Variants in CRYBG2 observed in about 807,000 individuals in gnomAD.
CRYBG2 encodes crystallin beta-gamma domain containing 2.
In CRYBG2, 106 loss-of-function variants were observed where a neutral mutation model predicts 153.4. The ratio of observed to expected loss-of-function variants is 0.69; its 90% CI spans 0.59 to 0.81. The LOEUF (loss-of-function observed/expected upper bound fraction) is 0.81, where lower values mean the gene tolerates loss of function less well. CRYBG2 is among the 30% of genes least tolerant of loss of function. The probability of loss-of-function intolerance (pLI) is 0.00; values close to 1 mark genes in which losing one functional copy is unlikely to be tolerated. For missense variants in CRYBG2, 1,996 were observed against 2,112.0 expected (o/e 0.95, Z 1.08); for synonymous variants, 851 against 877.8 (o/e 0.97, Z 0.54).
At chr1:26,337,953 C>T in intron 8 of CRYBG2, 59 bp downstream of exon 8, 2 of 1,589,352 alleles carry the variant, frequency 1.3e-6, no homozygotes, top group Non-Finnish European at 1.7e-6. Flanking sequence ...ACCACGATAA[C>T]CAAACACCTG....
chr1:26,322,177 G>T lies in CRYBG2; in HGVS notation c.4884C>A (p.Ile1628=), dbSNP rs764882593. ...HICSQMFEGQ[I]LDVKGGRGYD... The stretch of plus-strand genomic sequence containing the variant: ...ATCCCACCTTACCCTTCACGTCCAG[G>T]ATCTGGCCTTCGAACATCTGGCTGC... The change falls in exon 19 of 20, where the codon ATC becomes ATA. Residue 1628 remains isoleucine (I), a synonymous_variant. Transcript: ENST00000308182. 1 of 1,613,970 alleles carries T rather than the reference G, an allele frequency of 6.2e-7. No homozygotes were observed. Among genetic ancestry groups the T allele is most frequent in the Admixed American group, 1.7e-5 (1 of 60,014 alleles).
At position 26,348,870 on chromosome 1, in the gene CRYBG2, A is replaced by C. The variant is rs1001662902; in HGVS notation, c.-55-2158T>G. Among the ~76,000 whole-genome samples, 3 of 150,990 alleles carry C rather than the reference A, an allele frequency of 2.0e-5. No homozygotes were observed. The South Asian group carries it at 6.4e-4, about 32-fold the overall frequency. The stretch of plus-strand genomic sequence containing the variant: ...TGCGCCCGGCCTAAAAAAAGTTTTT[A>C]ATAAAAACAAAAATAAGGCTGGGTG... On this transcript the variant is annotated intron_variant, in intron 1 of 19. Transcript: ENST00000308182.
At position 26,344,001 on chromosome 1, in the gene CRYBG2, G is replaced by C. The variant is rs1391790306; in HGVS notation, c.2657C>G (p.Pro886Arg). ...CAGTTCCAATCCCAGCTCTGAGTGGGGGCCCTTGGTTCCTGCTACATGCTT... is the reference window on the plus strand; with the variant it reads ...CAGTTCCAATCCCAGCTCTGAGTGGCGGCCCTTGGTTCCTGCTACATGCTT... ...MKKHVAGTKG[P>R]HSELGLELQG... Residue 886 changes from proline to arginine, a missense_variant, in exon 2 of 20, where the codon CCC (proline) becomes CGC (arginine). Coordinates refer to ENST00000308182, the MANE Select transcript of CRYBG2 (RefSeq NM_001039775.4). 6.5e-6 allele frequency: 10 copies of C among 1,536,252 alleles called. No individual in the cohort carries two copies. The East Asian group carries it at 2.2e-4, about 34-fold the overall frequency.
Position 26,337,656 on chromosome 1 carries a change from G to A in CRYBG2, c.3526C>T (p.Pro1176Ser), listed in dbSNP as rs1356324262. Residue 1176 changes from proline (P) to serine (S), a missense_variant, in exon 9 of 20, where the codon CCA becomes TCA. Coordinates refer to ENST00000308182, the MANE Select transcript of CRYBG2 (RefSeq NM_001039775.4). The part of the protein sequence containing the change: ...GEPRAVVYEA[P>S]GFQGRSWEVS... The stretch of plus-strand genomic sequence containing the variant: ...TCCCAGCTGCGGCCCTGAAAGCCTG[G>A]GGCCTCATACACCACAGCCTGGGGG... 2.5e-6 allele frequency: 4 copies of A among 1,612,058 alleles called. No homozygotes were observed. The African/African-American group carries it at 5.3e-5, about 22-fold the overall frequency.
intron 1 of CRYBG2, among the ~76,000 whole-genome samples, chr1:26,348,851 C>A (rs1043244559): frequency 6.6e-6 from 1 of 151,008 alleles, no homozygotes; most frequent in African/African-American, 2.4e-5. Flanking sequence ...CCACTGCGCC[C>A]GGCCTAAAAA....
Position 26,337,279 on chromosome 1 carries a change from G to A in CRYBG2, c.3745C>T (p.Leu1249=). ...GTCCGGATGACCCGGAGGGAGGTCA[G>A]CAACTCGTCATAGCCTCCCCAGTGT... ...WSHWGGYDEL[L]TSLRVIRTDF... The change falls in exon 10 of 20, where the codon CTG becomes TTG. Residue 1249 remains leucine (L), a synonymous_variant. Coordinates refer to ENST00000308182, the MANE Select transcript of CRYBG2 (RefSeq NM_001039775.4). 6.2e-7 allele frequency: 1 copy of A among 1,614,104 alleles called. No homozygotes were observed. The highest frequency in any genetic ancestry group is 8.5e-7 in the Non-Finnish European group (1 of 1,179,998).
chr1:26,337,481 C>T, intron 9 of CRYBG2, 57 bp downstream of exon 9: 1 of 1,604,282 alleles, frequency 6.2e-7, no homozygotes, highest in Non-Finnish European at 8.5e-7. Flanking sequence ...TCACTCCCCA[C>T]TCCCAAGGGT....
chr1:26,343,246 C>G lies in CRYBG2; in HGVS notation c.2961G>C (p.Lys987Asn). The G allele has an allele frequency of 6.4e-7, 1 of 1,550,494 alleles. No homozygotes were observed. Among genetic ancestry groups the G allele is most frequent in the Non-Finnish European group, 8.7e-7 (1 of 1,146,960 alleles). ...TQGKLNTRPG[K>N]VIFFSESGCQ... ...CACCCACTTGCCCCCACAACCCTAC[C>G]TTTCCAGGCCTGGTGTTCAGCTTGC... Residue 987 changes from lysine to asparagine, a missense_variant and splice_region_variant, in exon 3 of 20, where the codon AAG (lysine) becomes AAC (asparagine). Physicochemically the swap from Lys to Asn is moderately conservative, Grantham distance 94. Transcript: ENST00000308182. This position sits in a 1 kb window ranked among gnomAD's most constrained non-coding sequence, Gnocchi z 4.1.
rs1323530543 is a variant in CRYBG2 at position 26,344,838 on chromosome 1, G to A, written c.1820C>T (p.Ala607Val). 2.0e-6 allele frequency: 3 copies of A among 1,534,702 alleles called. No homozygotes were observed. The highest frequency in any genetic ancestry group is 2.6e-6 in the Non-Finnish European group (3 of 1,146,058). Residue 607 changes from alanine to valine, a missense_variant, in exon 2 of 20, where the codon GCT becomes GTT. Ala to Val is a moderately conservative substitution (Grantham distance 64). Coordinates refer to ENST00000308182, the MANE Select transcript of CRYBG2 (RefSeq NM_001039775.4). ...KEVVKGPCAP[A>V]ASSPTQKEVV... ...CTCCTTCTGGGTGGGAGATGAGGCA[G>A]CAGGAGCACAGGGGCCCTTCACAAC...
At chr1:26,330,000 G>A (rs922190882) in intron 15 of CRYBG2, among the ~76,000 whole-genome samples, 2 of 152,196 alleles carry the variant, frequency 1.3e-5, no homozygotes, top group Non-Finnish European at 1.5e-5. Flanking sequence ...TTCCCAAAGT[G>A]CTGGAACTAC....
rs1224698412 is a variant in CRYBG2 at position 26,339,367 on chromosome 1, C to A, written c.3267G>T (p.Lys1089Asn). The change falls in exon 6 of 20, where the codon AAG (lysine) becomes AAT (asparagine). Residue 1089 changes from lysine to asparagine, a missense_variant. Physicochemically the swap from Lys to Asn is moderately conservative, Grantham distance 94 (BLOSUM62 0). Coordinates refer to ENST00000308182, the MANE Select transcript of CRYBG2 (RefSeq NM_001039775.4). ...SEEGLKGEQV[K>N]LTEALKNSQG... ...GGGAATTCTTCAAGGCCTCTGTTAG[C>A]TTCACTTGCTCCCCCTTGAGGCCCT... 1 of 1,614,128 alleles carries A rather than the reference C, an allele frequency of 6.2e-7. No homozygotes were observed. The highest frequency in any genetic ancestry group is 8.5e-7 in the Non-Finnish European group (1 of 1,180,050).
At chr1:26,324,012 A>T in intron 18 of CRYBG2, 140 bp downstream of exon 18, 1 of 813,564 alleles carries the variant, frequency 1.2e-6, no homozygotes, top group Non-Finnish European at 1.9e-6. Context: ...CCCAGGGGGA[A>T]CAGTCTGCAC....
intron 1 of CRYBG2, among the ~76,000 whole-genome samples, chr1:26,350,254 G>A (rs946198417): frequency 6.6e-6 from 1 of 152,188 alleles, no homozygotes; most frequent in East Asian, 1.9e-4. Context: ...CCTTGACCTT[G>A]GGCTTCCAGG....
Position 26,322,410 on chromosome 1 carries a change from T to C in CRYBG2, c.4738-87A>G, listed in dbSNP as rs2073871134. ...AAACCCTTGACCCATCTGCTCTGAA[T>C]CCTGGCTCTTAGGGACTGTGGCCCT... On this transcript the variant is annotated intron_variant, in intron 18 of 19. Transcript: ENST00000308182. 2.1e-6 allele frequency: 3 copies of C among 1,449,886 alleles called. No individual in the cohort carries two copies. The Admixed American group carries it at 6.9e-5, about 34-fold the overall frequency. The allele number at this position is 1,449,886 out of a possible 1,614,324, so 89.8% of individuals were successfully genotyped here.
chr1:26,346,077 C>T lies in CRYBG2; in HGVS notation c.581G>A (p.Ser194Asn), dbSNP rs2074215011. 6.3e-7 allele frequency: 1 copy of T among 1,581,964 alleles called. No individual in the cohort carries two copies. Among genetic ancestry groups the T allele is most frequent in the Non-Finnish European group, 8.6e-7 (1 of 1,169,496 alleles). ...GGACACTGGCCTCACAGTCACAGAG[C>T]TGCTCATCCGCCGGTCCACATGACC... ...VGGHVDRRMS[S>N]SVTVRPVSSG... The change falls in exon 2 of 20, where the codon AGC (serine) becomes AAC (asparagine). Residue 194 changes from serine (S) to asparagine (N), a missense_variant. By Grantham distance (46) the Ser-to-Asn change is conservative. Coordinates refer to ENST00000308182, the MANE Select transcript of CRYBG2 (RefSeq NM_001039775.4). The surrounding 1 kb of genome is among the most constrained non-coding windows in gnomAD (Gnocchi z 4.9).
In CRYBG2 at chr1:26,328,849, G is replaced by C; in HGVS notation, c.4339C>G (p.Leu1447Val). 1 of 1,614,098 alleles carries C rather than the reference G, an allele frequency of 6.2e-7. No homozygotes were observed. Among genetic ancestry groups the C allele is most frequent in the Admixed American group, 1.7e-5 (1 of 59,986 alleles). The change falls in exon 16 of 20, where the codon CTG becomes GTG. Residue 1447 changes from leucine to valine, a missense_variant. Leu to Val is a conservative substitution (Grantham distance 32). Transcript: ENST00000308182. ...CCCTCGAAGCACTCGAGTCCATACA[G>C]GAAAATGGAAGGCTCTGAAAAGTGC... ...SLHFSEPSIF[L>V]YGLECFEGKE...
chr1:26,348,619 G>A (rs1288648213), intron 1 of CRYBG2, among the ~76,000 whole-genome samples: 2 of 151,984 alleles, frequency 1.3e-5, no homozygotes, highest in Non-Finnish European at 2.9e-5. Flanking sequence ...GCAGTGGCAC[G>A]ATCTCAGCCT....
chr1:26,333,356 G>A (rs539323063), intron 14 of CRYBG2, among the ~76,000 whole-genome samples: 9 of 152,060 alleles, frequency 5.9e-5, no homozygotes, highest in South Asian at 2.1e-4. Flanking sequence ...ACCTGAGGTC[G>A]GGAGTTCGAG....
rs986602049 is a variant in CRYBG2 at position 26,344,788 on chromosome 1, C to T, written c.1870G>A (p.Ala624Thr). Reference sequence around the variant, plus strand: ...TCAGTTGACTTGGGGGACAAGGCAGCAGGAGCACCAGACCCCTGCACCACC... The same window carrying T: ...TCAGTTGACTTGGGGGACAAGGCAGTAGGAGCACCAGACCCCTGCACCACC... ...KEVVQGSGAP[A>T]ALSPKSTEVV... is the part of the protein sequence containing the mutation. Residue 624 changes from alanine (A) to threonine (T), a missense_variant, in exon 2 of 20, where the codon GCT (alanine) becomes ACT (threonine). Transcript: ENST00000308182. 1 of 1,533,602 alleles carries T rather than the reference C, an allele frequency of 6.5e-7. No homozygotes were observed. Among genetic ancestry groups the T allele is most frequent in the Non-Finnish European group, 8.7e-7 (1 of 1,144,732 alleles). 95.0% of individuals were successfully genotyped at this position (1,533,602 alleles called of 1,614,324 possible).
Sources: allele counts gnomAD v4.1 joint callset (sites outside exome capture counted in the v4.1 genomes callset), GRCh38; gene constraint gnomAD v4.1.1; non-coding constraint Gnocchi (gnomAD v3.1); transcripts MANE v1.5; gene names NCBI Gene and HGNC (gene_info 2026-07-23, HGNC 2026-07-21).